Variants in ZDHHC14 observed in about 807,000 individuals in gnomAD.
ZDHHC14 encodes zDHHC palmitoyltransferase 14.
Under a neutral mutation model 47.7 loss-of-function variants are expected in ZDHHC14, and 16 were observed. The observed-to-expected ratio is 0.34, with a 90% CI of 0.23 to 0.51. ZDHHC14 has a LOEUF of 0.51. ZDHHC14 is among the 20% of genes least tolerant of loss of function. The probability of loss-of-function intolerance (pLI) is 0.97; values close to 1 mark genes in which losing one functional copy is unlikely to be tolerated. For synonymous variants in ZDHHC14, 293 were observed against 278.9 expected (o/e 1.05, Z -0.50); for missense variants, 515 against 662.5 (o/e 0.78, Z 2.44).
At chr6:157,596,146 A>G (rs1784119778) in intron 3 of ZDHHC14, among the ~76,000 whole-genome samples, 1 of 152,218 alleles carries the variant, frequency 6.6e-6, no homozygotes, top group African/African-American at 2.4e-5. Flanking sequence ...ATTATGGGAC[A>G]CTGGGGCCTT....
At chr6:157,404,680 A>G (rs905634538) in intron 1 of ZDHHC14, among the ~76,000 whole-genome samples, 6 of 152,174 alleles carry the variant, frequency 3.9e-5, no homozygotes, top group African/African-American at 1.4e-4. Context: ...GGCAGGTGGC[A>G]CTGTGCTTGG....
In ZDHHC14 at chr6:157,568,655, T is replaced by C. The variant is rs553880545; in HGVS notation, c.407-24333T>C. Among the ~76,000 whole-genome samples the C allele has an allele frequency of 1.3e-4, 20 of 152,318 alleles. No homozygotes were observed. The South Asian group carries it at 3.1e-3, about 24-fold the overall frequency. ...TAAGTCAAATGCCTAAAAATGCTGT[T>C]GCTGGGCCAAAAGATACATACGTTT... is the stretch of plus-strand genomic sequence containing the variant. On this transcript the variant is annotated intron_variant, in intron 2 of 8. Transcript: ENST00000359775.
At chr6:157,546,675 G>T (rs2135213) in intron 2 of ZDHHC14, among the ~76,000 whole-genome samples, 61,883 of 151,936 alleles carry the variant, frequency 0.41, 12,671 homozygotes, top group Admixed American at 0.45. Flanking sequence ...CAGAAACTCA[G>T]TTTTTACAGT....
intron 3 of ZDHHC14, among the ~76,000 whole-genome samples, chr6:157,597,308 T>C (rs1505561): frequency 0.7 from 106,058 of 152,040 alleles, 37,862 homozygotes; most frequent in African/African-American, 0.86. Context: ...TATGTATGTT[T>C]TAAAGCCCCA....
rs773447181 is a variant in ZDHHC14 at position 157,382,031 on chromosome 6, G to C, written c.10G>C (p.Gly4Arg). Residue 4 changes from glycine to arginine, a missense_variant, in exon 1 of 9, where the codon GGC becomes CGC. Transcript: ENST00000359775. ...CCGGCTGCCCTCGTGGATGCCTCCC[G>C]GCGGCGGCGGGCCCATGAAAGACTG... MPP[G>R]GGGPMKDCEY... 11 of 1,504,640 alleles carry C rather than the reference G, an allele frequency of 7.3e-6. No individual in the cohort carries two copies. The highest frequency in any genetic ancestry group is 1.8e-4 in the Middle Eastern group (1 of 5,434). 93.2% of individuals were successfully genotyped at this position (1,504,640 alleles called of 1,614,324 possible).
intron 1 of ZDHHC14, among the ~76,000 whole-genome samples, chr6:157,475,690 CTGAT>C (rs1779464466): frequency 6.6e-6 from 1 of 152,064 alleles, no homozygotes; most frequent in African/African-American, 2.4e-5. Flanking sequence ...AGAAACAACA[CTGAT>C]TGTTAGTATA....
At chr6:157,479,940 C>T (rs1779582664) in intron 1 of ZDHHC14, among the ~76,000 whole-genome samples, 1 of 152,188 alleles carries the variant, frequency 6.6e-6, no homozygotes, top group African/African-American at 2.4e-5. Flanking sequence ...CTGGGTTAGA[C>T]TCTCCTCACA....
intron 2 of ZDHHC14, among the ~76,000 whole-genome samples, chr6:157,587,418 T>C (rs1029174009): frequency 6.6e-6 from 1 of 152,206 alleles, no homozygotes; most frequent in Non-Finnish European, 1.5e-5. Context: ...CCCCTGCTTT[T>C]GGAGCTCAGC....
chr6:157,626,620 T>G (rs1785431510), intron 3 of ZDHHC14, among the ~76,000 whole-genome samples: 1 of 151,896 alleles, frequency 6.6e-6, no homozygotes, highest in Admixed American at 6.6e-5. Context: ...TATCAACATC[T>G]CCCATCATAG....
intron 3 of ZDHHC14, among the ~76,000 whole-genome samples, chr6:157,617,523 T>G (rs914211920): frequency 6.6e-6 from 1 of 152,282 alleles, no homozygotes; most frequent in African/African-American, 2.4e-5. Flanking sequence ...GTGGACTCTT[T>G]GCTACAAGAT....
rs145670928 is a variant in ZDHHC14 at position 157,546,784 on chromosome 6, A to G, written c.406+4039A>G. 6.8e-3 allele frequency among the ~76,000 whole-genome samples: 1,030 copies of G among 152,352 alleles called. 3 individuals are homozygous for G. The highest frequency in any genetic ancestry group is 0.011 in the Non-Finnish European group (755 of 68,034). On this transcript the variant is annotated intron_variant, in intron 2 of 8. Coordinates refer to ENST00000359775, the MANE Select transcript of ZDHHC14 (RefSeq NM_024630.3). ...CACAGGATCAAAGTGTTGAATTTCTATTAGGGATAGACCTTTCCAGGGATC... is the reference window on the plus strand; with the variant it reads ...CACAGGATCAAAGTGTTGAATTTCTGTTAGGGATAGACCTTTCCAGGGATC...
At chr6:157,625,653 G>A (rs1319083020) in intron 3 of ZDHHC14, among the ~76,000 whole-genome samples, 1 of 152,052 alleles carries the variant, frequency 6.6e-6, no homozygotes, top group Non-Finnish European at 1.5e-5. Flanking sequence ...ACTCCGGCCT[G>A]AGGACTGTGA....
intron 3 of ZDHHC14, among the ~76,000 whole-genome samples, chr6:157,607,835 T>G (rs1784599774): frequency 6.6e-6 from 1 of 152,238 alleles, no homozygotes; most frequent in South Asian, 2.1e-4. Flanking sequence ...CAGTGCCGTC[T>G]TAAATTTGAA....
chr6:157,515,431 C>T (rs1354819267), intron 1 of ZDHHC14, among the ~76,000 whole-genome samples: 1 of 151,392 alleles, frequency 6.6e-6, no homozygotes, highest in Admixed American at 6.6e-5. Context: ...TGGGCGCACC[C>T]TTCATTTCTC....
chr6:157,396,757 A>G (rs1395970528), intron 1 of ZDHHC14, among the ~76,000 whole-genome samples: 1 of 152,248 alleles, frequency 6.6e-6, no homozygotes, highest in Non-Finnish European at 1.5e-5. Context: ...GTAGATAGAT[A>G]CTAAATGTTG....
intron 3 of ZDHHC14, among the ~76,000 whole-genome samples, chr6:157,597,203 T>G (rs1211350645): frequency 6.6e-6 from 1 of 152,170 alleles, no homozygotes; most frequent in Non-Finnish European, 1.5e-5. Context: ...ACCTCTTCTC[T>G]CTCGGATCCT....
intron 2 of ZDHHC14, among the ~76,000 whole-genome samples, chr6:157,583,998 G>A (rs1018906811): frequency 3.3e-5 from 5 of 152,072 alleles, no homozygotes; most frequent in Non-Finnish European, 7.4e-5. Context: ...GGTCCCAGGG[G>A]AGACAGCCTG....
At chr6:157,572,008 C>T (rs1371429469) in intron 2 of ZDHHC14, among the ~76,000 whole-genome samples, 2 of 152,000 alleles carry the variant, frequency 1.3e-5, no homozygotes, top group African/African-American at 4.8e-5. Context: ...AATGCAGATT[C>T]TGGCTCAGCA....
At chr6:157,598,163 G>A (rs1184530137) in intron 3 of ZDHHC14, among the ~76,000 whole-genome samples, 1 of 152,184 alleles carries the variant, frequency 6.6e-6, no homozygotes, top group Non-Finnish European at 1.5e-5. Context: ...CAGGAACCCA[G>A]CCACTGCTTC....
Sources: allele counts gnomAD v4.1 joint callset (sites outside exome capture counted in the v4.1 genomes callset), GRCh38; gene constraint gnomAD v4.1.1; transcripts MANE v1.5; gene names NCBI Gene and HGNC (gene_info 2026-07-23, HGNC 2026-07-21).